Variants in DCC observed in about 807,000 individuals in gnomAD.
The protein encoded by DCC is netrin receptor DCC.
Under a neutral mutation model 172.5 loss-of-function variants are expected in DCC, and 58 were observed. The ratio of observed to expected loss-of-function variants is 0.34; its 90% CI spans 0.27 to 0.42. DCC has a LOEUF of 0.42. DCC is among the 10% of genes least tolerant of loss of function. DCC has a pLI of 1.00. For missense variants in DCC, 1,740 were observed against 1,791.0 expected (o/e 0.97, Z 0.51); for synonymous variants, 709 against 644.5 (o/e 1.10, Z -1.52).
intron 1 of DCC, among the ~76,000 whole-genome samples, chr18:52,681,440 T>G (rs1568038514): frequency 1.3e-5 from 2 of 152,234 alleles, no homozygotes; most frequent in Admixed American, 6.5e-5. Context: ...TTAATTTGAT[T>G]GACAAGAGTG....
At chr18:53,089,338 G>A (rs1008524859) in intron 7 of DCC, among the ~76,000 whole-genome samples, 8 of 151,866 alleles carry the variant, frequency 5.3e-5, no homozygotes, top group Non-Finnish European at 8.8e-5. Context: ...TTCCCACCTC[G>A]GCCTCCCAAA....
chr18:52,423,316 T>A lies in DCC; in HGVS notation c.91+82438T>A, dbSNP rs16954959. Among the ~76,000 whole-genome samples, 1,495 of 152,134 alleles carry A rather than the reference T, an allele frequency of 9.8e-3. 18 individuals carry two copies. Among genetic ancestry groups the A allele is most frequent in the Non-Finnish European group, 0.018 (1,203 of 67,966 alleles). Reference sequence around the variant, plus strand: ...TGCAGAGGTAGAGATATCTTCAAACTGGGGGATCTGCAAAGTCGTCAGAGT... The same window carrying A: ...TGCAGAGGTAGAGATATCTTCAAACAGGGGGATCTGCAAAGTCGTCAGAGT... On this transcript the variant is annotated intron_variant, in intron 1 of 28. Coordinates refer to ENST00000442544, the MANE Select transcript of DCC (RefSeq NM_005215.4).
chr18:53,053,580 A>C (rs1353438472), intron 5 of DCC, among the ~76,000 whole-genome samples: 4 of 152,184 alleles, frequency 2.6e-5, no homozygotes, highest in Non-Finnish European at 5.9e-5. Flanking sequence ...TACTTCTGTA[A>C]TGCAGTTAAA....
intron 1 of DCC, among the ~76,000 whole-genome samples, chr18:52,611,587 T>G (rs1675217): frequency 0.17 from 25,648 of 152,180 alleles, 2,689 homozygotes; most frequent in Non-Finnish European, 0.24. Flanking sequence ...TAGATCTTCA[T>G]GTTGGGTGTC....
chr18:52,680,729 C>A (rs1163646442), intron 1 of DCC, among the ~76,000 whole-genome samples: 1 of 152,014 alleles, frequency 6.6e-6, no homozygotes, highest in Non-Finnish European at 1.5e-5. Flanking sequence ...TAGGTGGCTG[C>A]CTTCCCTGCC....
intron 2 of DCC, among the ~76,000 whole-genome samples, chr18:52,805,268 C>T (rs1056245417): frequency 6.6e-6 from 1 of 152,146 alleles, no homozygotes; most frequent in African/African-American, 2.4e-5. Context: ...CTTACATAAC[C>T]AAGTGAGGTG....
chr18:52,803,924 T>C (rs545814925), intron 2 of DCC, among the ~76,000 whole-genome samples: 1 of 152,316 alleles, frequency 6.6e-6, no homozygotes, highest in South Asian at 2.1e-4. Flanking sequence ...TTTACATATG[T>C]GATGACGTTT....
At chr18:52,574,982 A>T (rs746182713) in intron 1 of DCC, among the ~76,000 whole-genome samples, 58 of 152,264 alleles carry the variant, frequency 3.8e-4, no homozygotes, top group Admixed American at 7.2e-4. Context: ...AAGTCATTGG[A>T]ACTCTCTGAG....
At position 53,083,371 on chromosome 18, in the gene DCC, T is replaced by G. The variant is rs542334457; in HGVS notation, c.1261+17205T>G. ...AGGCCTCAGGTATGGCTTGGATGAT[T>G]AGCAACATGAAAGAACACTGGCAAT... On this transcript the variant is annotated intron_variant, in intron 7 of 28. Transcript: ENST00000442544. Among the ~76,000 whole-genome samples the G allele has an allele frequency of 5.9e-5, 9 of 152,302 alleles. No homozygotes were observed. The East Asian group carries it at 1.2e-3, about 20-fold the overall frequency.
chr18:53,389,985 A>G (rs1015863722), intron 16 of DCC, among the ~76,000 whole-genome samples: 3 of 152,226 alleles, frequency 2.0e-5, no homozygotes, highest in South Asian at 4.1e-4. Flanking sequence ...CCATATGTGT[A>G]TCACGTTCTT....
intron 15 of DCC, among the ~76,000 whole-genome samples, chr18:53,376,242 G>A (rs767533942): frequency 6.6e-6 from 1 of 152,040 alleles, no homozygotes; most frequent in Non-Finnish European, 1.5e-5. Context: ...AAATCAGCCG[G>A]GCGTGTTGGT....
chr18:52,864,775 G>GT (rs2039194932), intron 2 of DCC, among the ~76,000 whole-genome samples: 1 of 151,944 alleles, frequency 6.6e-6, no homozygotes, highest in African/African-American at 2.4e-5. Flanking sequence ...AGAACATGTG[G>GT]TGTTTGGTTT....
intron 5 of DCC, among the ~76,000 whole-genome samples, chr18:53,017,381 G>C (rs1176367513): frequency 1.3e-5 from 2 of 152,102 alleles, no homozygotes; most frequent in Non-Finnish European, 2.9e-5. Context: ...TATAATTTAA[G>C]CAAGAAATGT....
intron 2 of DCC, among the ~76,000 whole-genome samples, chr18:52,793,049 TAA>T (rs1372882008): frequency 2.6e-5 from 4 of 152,162 alleles, no homozygotes; most frequent in Non-Finnish European, 5.9e-5. Context: ...AGACCTCTGA[TAA>T]AGAGGTGTGG....
At chr18:52,994,953 T>C (rs945320406) in intron 5 of DCC, among the ~76,000 whole-genome samples, 2 of 152,152 alleles carry the variant, frequency 1.3e-5, no homozygotes, top group African/African-American at 4.8e-5. Flanking sequence ...TCATAACAAA[T>C]ACTAACTTCT....
At chr18:53,258,093 C>T (rs975605492) in intron 12 of DCC, among the ~76,000 whole-genome samples, 8 of 151,962 alleles carry the variant, frequency 5.3e-5, no homozygotes, top group African/African-American at 1.9e-4. Flanking sequence ...GTATTTGATT[C>T]TTCTCTGTTT....
intron 5 of DCC, among the ~76,000 whole-genome samples, chr18:52,990,036 T>C (rs2041358596): frequency 6.6e-6 from 1 of 152,200 alleles, no homozygotes; most frequent in African/African-American, 2.4e-5. Context: ...CTCCAGCACA[T>C]GTCTTCTGGG....
At chr18:52,739,379 T>G (rs1399595935) in intron 1 of DCC, among the ~76,000 whole-genome samples, 1 of 152,166 alleles carries the variant, frequency 6.6e-6, no homozygotes, top group Admixed American at 6.5e-5. Context: ...CAGGTATTTG[T>G]TAAATACCTC....
At chr18:53,222,383 C>CTTTT (rs67373546) in intron 12 of DCC, among the ~76,000 whole-genome samples, 6 of 104,210 alleles carry the variant, frequency 5.8e-5, no homozygotes, top group Admixed American at 1.2e-4. Context: ...TTTCTTTTTT[C>CTTTT]TTTTTTTTTT....
Sources: gnomAD v4.1 joint callset for allele counts (sites outside exome capture counted in the v4.1 genomes callset) on GRCh38, gnomAD v4.1.1 for gene constraint, MANE v1.5 for transcripts, NCBI Gene and HGNC (gene_info 2026-07-23, HGNC 2026-07-21) for gene names.